The following CNTNAP2 variants were observed in gnomAD, a reference collection of about 807,000 sequenced individuals.
CNTNAP2 encodes contactin-associated protein-like 2.
Under a neutral mutation model 155.2 loss-of-function variants are expected in CNTNAP2, and 98 were observed. That is an observed-to-expected ratio of 0.63 (90% confidence interval 0.54 to 0.75). CNTNAP2 has a LOEUF of 0.75. Among genes scored for constraint, CNTNAP2 ranks in the 30% least tolerant of loss-of-function variants. The pLI, the probability that CNTNAP2 is intolerant of heterozygous loss-of-function variation, is 0.00. For missense variants in CNTNAP2, 1,727 were observed against 1,688.1 expected, an observed-to-expected ratio of 1.02 and a Z score of -0.40; for synonymous variants, 651 against 631.2, an observed-to-expected ratio of 1.03 and a Z score of -0.47.
intron 1 of CNTNAP2, among the ~76,000 whole-genome samples, chr7:146,200,620 A>G (rs1798845825): frequency 6.6e-6 from 1 of 152,066 alleles, no homozygotes; most frequent in African/African-American, 2.4e-5. Context: ...TTGTGTTACA[A>G]TTCTCTACAG....
Position 147,136,235 on chromosome 7 carries a change from T to A in CNTNAP2, c.1348+3726T>A, listed in dbSNP as rs529241083. Among the ~76,000 whole-genome samples the A allele has an allele frequency of 2.2e-3, 337 of 152,014 alleles. 4 individuals carry two copies. The highest frequency in any genetic ancestry group is 5.4e-3 in the South Asian group (26 of 4,818). ...CAGTTATTGGAAAAAAATTAACTTC[T>A]CTCCATGTATAAACAAAGCCTTTCC... On this transcript the variant is annotated intron_variant, in intron 8 of 23. Coordinates refer to ENST00000361727, the MANE Select transcript of CNTNAP2 (RefSeq NM_014141.6).
rs1563009735 is a variant in CNTNAP2, at chr7:147,586,539, A to AAGGAAGGAAGGAAGGAAGGAAGGG, written c.1897+24289_1897+24290insAAGGAAGGAAGGAAGGGAGGAAGG. ...GAGAGAGAAGAGGAAGGAAGGAAGGAAGGAAGGGAGGGAGGGAGGGAGGGA... is the reference window on the plus strand; with the variant it reads ...GAGAGAGAAGAGGAAGGAAGGAAGGAAGGAAGGAAGGAAGGAAGGAAGGGAGGAAGGGAGGGAGGGAGGGAGGGA... On this transcript the variant is annotated intron_variant, in intron 12 of 23. Coordinates refer to ENST00000361727, the MANE Select transcript of CNTNAP2 (RefSeq NM_014141.6). 9.1e-5 allele frequency among the ~76,000 whole-genome samples: 5 copies of AAGGAAGGAAGGAAGGAAGGAAGGG among 54,962 alleles called. 1 individual carries two copies. The highest frequency in any genetic ancestry group is 3.1e-4 in the African/African-American group (4 of 13,068). The allele number at this position is 54,962 out of a possible 152,430, so 36.1% of individuals were successfully genotyped here.
At chr7:148,023,097 G>C (rs1007626406) in intron 15 of CNTNAP2, among the ~76,000 whole-genome samples, 1 of 152,132 alleles carries the variant, frequency 6.6e-6, no homozygotes, top group African/African-American at 2.4e-5. Flanking sequence ...ATGTTAGAAA[G>C]CTGAGACAAG....
chr7:146,598,006 G>A (rs754528208), intron 1 of CNTNAP2, among the ~76,000 whole-genome samples: 2 of 151,988 alleles, frequency 1.3e-5, no homozygotes, highest in Admixed American at 6.6e-5. Context: ...CCAGGCATAC[G>A]CATGCTCCTC....
At chr7:146,675,768 T>G (rs1357413821) in intron 1 of CNTNAP2, among the ~76,000 whole-genome samples, 1 of 148,526 alleles carries the variant, frequency 6.7e-6, no homozygotes, top group Non-Finnish European at 1.5e-5. Context: ...TCAAAAGTTC[T>G]GTGGAAATGA....
At chr7:147,003,383 C>G (rs989140218) in intron 3 of CNTNAP2, among the ~76,000 whole-genome samples, 3 of 151,192 alleles carry the variant, frequency 2.0e-5, no homozygotes, top group African/African-American at 7.3e-5. Flanking sequence ...AAACAAAAAG[C>G]GAGAAAAAAA....
chr7:146,997,549 C>A (rs1041198246), intron 3 of CNTNAP2, among the ~76,000 whole-genome samples: 1 of 152,048 alleles, frequency 6.6e-6, no homozygotes, highest in African/African-American at 2.4e-5. Flanking sequence ...TTAATTGTAT[C>A]AGGATAATGC....
chr7:146,649,405 T>TG (rs1294045984), intron 1 of CNTNAP2, among the ~76,000 whole-genome samples: 1 of 152,158 alleles, frequency 6.6e-6, no homozygotes, highest in Non-Finnish European at 1.5e-5. Context: ...TTATGATACA[T>TG]GTGACATGAT....
At chr7:148,260,090 A>G (rs1796532057) in intron 20 of CNTNAP2, among the ~76,000 whole-genome samples, 1 of 152,228 alleles carries the variant, frequency 6.6e-6, no homozygotes, top group African/African-American at 2.4e-5. Flanking sequence ...GGTTCATTTG[A>G]AAAGAGGTGG....
chr7:146,669,714 C>CA (rs1800266502), intron 1 of CNTNAP2, among the ~76,000 whole-genome samples: 1 of 152,066 alleles, frequency 6.6e-6, no homozygotes, highest in South Asian at 2.1e-4. Context: ...ATATGAAGGT[C>CA]AAAACATCTC....
chr7:148,330,171 G>A (rs1046106909), intron 21 of CNTNAP2, among the ~76,000 whole-genome samples: 28 of 151,142 alleles, frequency 1.9e-4, no homozygotes, highest in Admixed American at 7.2e-4. Context: ...TGGAGTGGAC[G>A]GATGGAGTGG....
chr7:147,684,377 C>A (rs940919655), intron 13 of CNTNAP2, among the ~76,000 whole-genome samples: 5 of 151,734 alleles, frequency 3.3e-5, no homozygotes, highest in Non-Finnish European at 5.9e-5. Flanking sequence ...ATTATTAAAG[C>A]CCCTACAAGG....
At chr7:146,871,565 A>G (rs1342963189) in intron 3 of CNTNAP2, among the ~76,000 whole-genome samples, 1 of 151,806 alleles carries the variant, frequency 6.6e-6, no homozygotes, top group Non-Finnish European at 1.5e-5. Context: ...TAAATAAATT[A>G]AAAAATGATA....
chr7:146,837,927 G>A (rs1297535408), intron 2 of CNTNAP2, among the ~76,000 whole-genome samples: 1 of 152,086 alleles, frequency 6.6e-6, no homozygotes, highest in East Asian at 1.9e-4. Context: ...GGTTATTGTT[G>A]ACTTCAGAAC....
At chr7:147,492,623 T>C (rs555372111) in intron 11 of CNTNAP2, among the ~76,000 whole-genome samples, 1 of 152,176 alleles carries the variant, frequency 6.6e-6, no homozygotes, top group African/African-American at 2.4e-5. Context: ...ATCAGATCCT[T>C]AGGCTATGTG....
At chr7:146,437,032 G>C (rs555850733) in intron 1 of CNTNAP2, among the ~76,000 whole-genome samples, 1 of 151,628 alleles carries the variant, frequency 6.6e-6, no homozygotes, top group East Asian at 1.9e-4. Context: ...GAACCGGGCC[G>C]CACGGCAGGA....
intron 12 of CNTNAP2, among the ~76,000 whole-genome samples, chr7:147,576,689 G>C (rs1182658101): frequency 6.6e-6 from 1 of 152,092 alleles, no homozygotes; most frequent in Non-Finnish European, 1.5e-5. Flanking sequence ...AGCAACATAG[G>C]TGAACATCAG....
intron 3 of CNTNAP2, among the ~76,000 whole-genome samples, chr7:146,913,752 T>C (rs1042968459): frequency 6.6e-6 from 1 of 151,438 alleles, no homozygotes; most frequent in South Asian, 2.1e-4. Context: ...TATCAACATA[T>C]GGATTCTTTT....
intron 1 of CNTNAP2, among the ~76,000 whole-genome samples, chr7:146,424,943 A>G (rs1796067054): frequency 6.6e-6 from 1 of 152,158 alleles, no homozygotes; most frequent in Non-Finnish European, 1.5e-5. Flanking sequence ...AAAAATTTAC[A>G]AATGAAGCCT....
Sources: gnomAD v4.1 joint callset for allele counts (sites outside exome capture counted in the v4.1 genomes callset) on GRCh38, gnomAD v4.1.1 for gene constraint, MANE v1.5 for transcripts, NCBI Gene and HGNC (gene_info 2026-07-23, HGNC 2026-07-21) for gene names.